The following BICC1 variants were observed in gnomAD, a reference collection of about 807,000 sequenced individuals.
BICC1 encodes the protein protein bicaudal C homolog 1.
In BICC1, 43 loss-of-function variants were observed where a neutral mutation model predicts 111.0. The observed-to-expected ratio is 0.39, with a 90% CI of 0.30 to 0.50. BICC1 has a LOEUF of 0.50. Among genes scored for constraint, BICC1 ranks in the 20% least tolerant of loss-of-function variants. The probability of loss-of-function intolerance (pLI) is 0.88; values close to 1 mark genes in which losing one functional copy is unlikely to be tolerated. For missense variants in BICC1, 1,091 were observed against 1,203.2 expected, an observed-to-expected ratio of 0.91 and a Z score of 1.38; for synonymous variants, 467 against 434.4, an observed-to-expected ratio of 1.07 and a Z score of -0.93.
At chr10:58,809,921 G>C (rs1023164036) in intron 17 of BICC1, among the ~76,000 whole-genome samples, 1 of 152,182 alleles carries the variant, frequency 6.6e-6, no homozygotes, top group South Asian at 2.1e-4. Context: ...AGGGTGGTAT[G>C]TAACTGATCT....
intron 1 of BICC1, among the ~76,000 whole-genome samples, chr10:58,549,809 C>T (rs1843246674): frequency 6.6e-6 from 1 of 151,806 alleles, no homozygotes; most frequent in South Asian, 2.1e-4. Flanking sequence ...TCTCAGCCTC[C>T]TGAGTAGCTG....
chr10:58,737,774 A>G (rs1413788050), intron 3 of BICC1, among the ~76,000 whole-genome samples: 1 of 152,162 alleles, frequency 6.6e-6, no homozygotes, highest in Non-Finnish European at 1.5e-5. Context: ...TTTAATGATC[A>G]CCATTCTAAC....
intron 3 of BICC1, among the ~76,000 whole-genome samples, chr10:58,746,186 T>C (rs970910937): frequency 1.3e-5 from 2 of 152,114 alleles, no homozygotes; most frequent in African/African-American, 2.4e-5. Context: ...CTACTTAGCT[T>C]TGAGACATCT....
intron 2 of BICC1, 75 bp downstream of exon 2, chr10:58,620,976 C>A: frequency 7.8e-7 from 1 of 1,283,816 alleles, no homozygotes; most frequent in Non-Finnish European, 1.1e-6. Flanking sequence ...CCCTAGAAGC[C>A]ACCGAACGCT....
intron 3 of BICC1, among the ~76,000 whole-genome samples, chr10:58,744,557 AAG>A (rs920963068): frequency 1.1e-4 from 16 of 152,144 alleles, no homozygotes; most frequent in African/African-American, 3.6e-4. Context: ...TAATTTTAAA[AAG>A]AATAATTTTT....
intron 2 of BICC1, among the ~76,000 whole-genome samples, chr10:58,633,060 A>G (rs1402105012): frequency 6.6e-6 from 1 of 152,188 alleles, no homozygotes; most frequent in Non-Finnish European, 1.5e-5. Flanking sequence ...CCCACGTGTC[A>G]AGGGTGGGGC....
At chr10:58,596,088 G>T (rs1245951760) in intron 1 of BICC1, among the ~76,000 whole-genome samples, 1 of 152,166 alleles carries the variant, frequency 6.6e-6, no homozygotes, top group East Asian at 1.9e-4. Context: ...ACACCTCTGT[G>T]GAAATAAACT....
intron 3 of BICC1, among the ~76,000 whole-genome samples, chr10:58,707,329 G>A (rs1026617282): frequency 6.6e-6 from 1 of 152,044 alleles, no homozygotes; most frequent in African/African-American, 2.4e-5. Flanking sequence ...TTAGTTGAGG[G>A]CTTTAACATA....
intron 8 of BICC1, 115 bp from the exon 9 acceptor site, chr10:58,793,369 T>TC (rs1843239841): frequency 1.0e-6 from 1 of 985,684 alleles, no homozygotes; most frequent in Non-Finnish European, 1.5e-6. Context: ...CTTTAATACT[T>TC]CAGTTTAGTC....
chr10:58,587,330 C>T (rs778268609), intron 1 of BICC1, among the ~76,000 whole-genome samples: 1 of 152,118 alleles, frequency 6.6e-6, no homozygotes, highest in African/African-American at 2.4e-5. Context: ...ATTGAATTTT[C>T]TCCAGCACTA....
rs573116230 is a variant in BICC1, at chr10:58,521,768, G to GTTTTT, written c.190+8469_190+8473dup. 8.9e-5 allele frequency among the ~76,000 whole-genome samples: 10 copies of GTTTTT among 112,796 alleles called. 1 individual carries two copies. The highest frequency in any genetic ancestry group is 2.7e-4 in the East Asian group (1 of 3,694). The allele number at this position is 112,796 out of a possible 152,430, so 74.0% of individuals were successfully genotyped here. ...ATGAAAATCAGCCAGGGAATGTGGT[G>GTTTTT]TTTTTTTTTTTTTTTTTTTTTTTTT... On this transcript the variant is annotated intron_variant, in intron 1 of 20. Transcript: ENST00000373886.
rs776906511 is a variant in BICC1 at position 58,789,649 on chromosome 10, T to C, written c.796-33T>C. 4.3e-6 allele frequency: 7 copies of C among 1,611,328 alleles called. No individual in the cohort carries two copies. In the East Asian group the frequency reaches 6.7e-5, roughly 15 times the overall value. On this transcript the variant is annotated intron_variant, in intron 7 of 20. Coordinates refer to ENST00000373886, the MANE Select transcript of BICC1 (RefSeq NM_001080512.3). ...TCCCCGTATATGAACAGTTAATGTA[T>C]AGGATTATTTCTTTCCCACCCTTTT...
At chr10:58,548,933 C>T (rs1166123658) in intron 1 of BICC1, among the ~76,000 whole-genome samples, 1 of 152,076 alleles carries the variant, frequency 6.6e-6, no homozygotes, top group Non-Finnish European at 1.5e-5. Flanking sequence ...GATCATGGCT[C>T]ACTGCAGCCT....
At chr10:58,596,264 G>A (rs549850286) in intron 1 of BICC1, among the ~76,000 whole-genome samples, 16 of 152,128 alleles carry the variant, frequency 1.1e-4, no homozygotes, top group African/African-American at 1.7e-4. Flanking sequence ...CAACATACAC[G>A]AATCAATAAA....
intron 3 of BICC1, chr10:58,715,477 A>G: frequency 1.2e-6 from 1 of 815,274 alleles, no homozygotes; most frequent in South Asian, 1.4e-5. Context: ...CGGCAAGAGG[A>G]CCTGTGGCAG....
chr10:58,664,070 G>C (rs1838931388), intron 2 of BICC1, among the ~76,000 whole-genome samples: 1 of 152,168 alleles, frequency 6.6e-6, no homozygotes, highest in African/African-American at 2.4e-5. Context: ...CACTTCTTTT[G>C]TATGAGTGCC....
At chr10:58,706,239 A>G (rs1314782092) in intron 3 of BICC1, among the ~76,000 whole-genome samples, 1 of 152,212 alleles carries the variant, frequency 6.6e-6, no homozygotes, top group East Asian at 1.9e-4. Flanking sequence ...TCTGAATCAT[A>G]GCCTTAATAT....
chr10:58,660,658 A>G (rs533732055), intron 2 of BICC1, among the ~76,000 whole-genome samples: 1 of 152,062 alleles, frequency 6.6e-6, no homozygotes, highest in Admixed American at 6.6e-5. Context: ...TATTCCAACT[A>G]CTCAAGACTC....
chr10:58,825,929 G>C (rs1328885214), intron 20 of BICC1, among the ~76,000 whole-genome samples: 1 of 151,914 alleles, frequency 6.6e-6, no homozygotes, highest in Non-Finnish European at 1.5e-5. Context: ...CACAGATTGA[G>C]GTGTGTAGCT....
Sources: gnomAD v4.1 joint callset for allele counts (sites outside exome capture counted in the v4.1 genomes callset) on GRCh38, gnomAD v4.1.1 for gene constraint, MANE v1.5 for transcripts, NCBI Gene and HGNC (gene_info 2026-07-23, HGNC 2026-07-21) for gene names.